The following DIAPH2 variants were observed in gnomAD, a reference collection of about 807,000 sequenced individuals.
DIAPH2 encodes protein diaphanous homolog 2.
A neutral mutation model predicts 92.7 loss-of-function variants in DIAPH2; 35 were observed. The ratio of observed to expected loss-of-function variants is 0.38; its 90% confidence interval spans 0.29 to 0.50. The LOEUF is 0.50. DIAPH2 is among the 20% of genes least tolerant of loss of function. The probability of loss-of-function intolerance (pLI) is 0.94; values close to 1 mark genes in which losing one functional copy is unlikely to be tolerated. For missense variants in DIAPH2, 701 were observed against 819.5 expected (o/e 0.86, Z 1.77); for synonymous variants, 301 against 280.4 (o/e 1.07, Z -0.73).
In DIAPH2 at chrX:96,884,828, G is replaced by A; in HGVS notation, c.587+3110G>A. ...CACATGATGCTGGATAAAGCCCGTC[G>A]TGATACCACTGTAGAAAGTGTGCCT... On this transcript the variant is annotated intron_variant, in intron 5 of 26. Transcript: ENST00000324765. 2.5e-6 allele frequency: 3 copies of A among 1,211,375 alleles called. No homozygotes were observed. The highest frequency in any genetic ancestry group is 3.4e-6 in the Non-Finnish European group (3 of 895,387).
chrX:96,874,414 C>T (rs1206942820), intron 4 of DIAPH2, among the ~76,000 whole-genome samples: 1 of 111,897 alleles, frequency 8.9e-6, no homozygotes, highest in African/African-American at 3.2e-5. Context: ...CTTGCTATTA[C>T]TCACCCATAT....
At chrX:97,197,216 C>G (rs1187164902) in intron 22 of DIAPH2, among the ~76,000 whole-genome samples, 1 of 112,091 alleles carries the variant, frequency 8.9e-6, no homozygotes, top group African/African-American at 3.2e-5. Context: ...TCTCTATTCC[C>G]TCTCATGTGC....
At chrX:96,850,294 G>A (rs746229455) in intron 4 of DIAPH2, among the ~76,000 whole-genome samples, 13 of 112,115 alleles carry the variant, frequency 1.2e-4, no homozygotes, top group Admixed American at 4.7e-4. Context: ...GCTAGATGAT[G>A]ATGATAATAA....
At chrX:97,516,095 T>C (rs1295121924) in intron 26 of DIAPH2, among the ~76,000 whole-genome samples, 1 of 109,640 alleles carries the variant, frequency 9.1e-6, no homozygotes, top group Non-Finnish European at 1.9e-5. Flanking sequence ...CTACTAAAAA[T>C]ACAAAAATTA....
chrX:97,545,168 A>G (rs1002204225), intron 26 of DIAPH2, among the ~76,000 whole-genome samples: 1 of 111,304 alleles, frequency 9.0e-6, no homozygotes, highest in Non-Finnish European at 1.9e-5. Context: ...CTTTCACCCT[A>G]GCCACTCTTC....
chrX:97,465,038 G>C (rs189902252), intron 26 of DIAPH2, among the ~76,000 whole-genome samples: 1 of 110,601 alleles, frequency 9.0e-6, no homozygotes, highest in African/African-American at 3.3e-5. Context: ...GTAGAGACAG[G>C]GTTTCTCCAT....
At chrX:96,724,168 C>T (rs1002627476) in intron 1 of DIAPH2, among the ~76,000 whole-genome samples, 24 of 110,525 alleles carry the variant, frequency 2.2e-4, no homozygotes, top group Middle Eastern at 4.6e-3. Flanking sequence ...TCAAGTGATC[C>T]GCCCGCCTCC....
intron 4 of DIAPH2, among the ~76,000 whole-genome samples, chrX:96,836,718 T>TATATATATATATATA (rs58380012): frequency 3.3e-4 from 5 of 15,344 alleles, no homozygotes; most frequent in African/African-American, 1.2e-3. Flanking sequence ...TATATATATA[T>TATATATATATATATA]TTTTTTTTTT....
intron 4 of DIAPH2, among the ~76,000 whole-genome samples, chrX:96,803,139 C>T (rs1008152882): frequency 9.0e-6 from 1 of 110,963 alleles, no homozygotes; most frequent in Non-Finnish European, 1.9e-5. Flanking sequence ...GCAGCACCCT[C>T]ACAGACACAC....
At chrX:97,323,773 C>T (rs1387344431) in intron 23 of DIAPH2, among the ~76,000 whole-genome samples, 1 of 102,067 alleles carries the variant, frequency 9.8e-6, no homozygotes, top group African/African-American at 3.6e-5. Flanking sequence ...AGTGGTGGCG[C>T]ATGCCTGTAA....
chrX:96,951,926 T>C (rs1348021183), intron 15 of DIAPH2, among the ~76,000 whole-genome samples: 1 of 111,614 alleles, frequency 9.0e-6, no homozygotes, highest in Non-Finnish European at 1.9e-5. Flanking sequence ...AGGTGAAAAA[T>C]TGACTGATGT....
chrX:96,791,527 C>CT (rs1407378446), intron 4 of DIAPH2, among the ~76,000 whole-genome samples: 1 of 73,349 alleles, frequency 1.4e-5, no homozygotes, highest in African/African-American at 8.1e-5. Context: ...GACAGTGAGA[C>CT]TCCTTTTTTT....
At chrX:96,733,307 G>T (rs781687943) in intron 1 of DIAPH2, among the ~76,000 whole-genome samples, 25 of 111,807 alleles carry the variant, frequency 2.2e-4, no homozygotes, top group Non-Finnish European at 3.4e-4. Flanking sequence ...AAATAGGATG[G>T]CCAGGGTAGG....
chrX:97,195,881 G>A (rs1279703872), intron 22 of DIAPH2, among the ~76,000 whole-genome samples: 1 of 109,315 alleles, frequency 9.1e-6, no homozygotes, highest in African/African-American at 3.3e-5. Flanking sequence ...TGTTCATAGA[G>A]CAGAAAAGCT....
In DIAPH2 at chrX:97,601,872, A is replaced by C. The variant is rs995891000; in HGVS notation, c.*2555A>C. On this transcript the variant is annotated 3_prime_UTR_variant, in exon 27 of 27. Coordinates refer to ENST00000324765, the MANE Select transcript of DIAPH2 (RefSeq NM_006729.5). ...CTCCCTCCAGAGGCTCTAGAGGAGA[A>C]TCTTTCCTTGCCACGTCCACCTTTT... The C allele has an allele frequency of 8.9e-6, 1 of 112,194 alleles. No homozygotes were observed. The highest frequency in any genetic ancestry group is 9.4e-5 in the Admixed American group (1 of 10,612). 9.2% of individuals were successfully genotyped at this position (112,194 alleles called of 1,213,427 possible).
At chrX:97,500,055 A>G (rs1383400019) in intron 26 of DIAPH2, among the ~76,000 whole-genome samples, 15 of 112,298 alleles carry the variant, frequency 1.3e-4, no homozygotes. Context: ...TTTCCACTGA[A>G]CACTTATTTT....
intron 26 of DIAPH2, among the ~76,000 whole-genome samples, chrX:97,450,355 T>C (rs983598646): frequency 3.6e-5 from 4 of 112,102 alleles, no homozygotes; most frequent in African/African-American, 1.3e-4. Context: ...ATACAATCTT[T>C]AACCTACAAC....
At chrX:97,517,002 CATG>C (rs767613739) in intron 26 of DIAPH2, among the ~76,000 whole-genome samples, 5 of 112,401 alleles carry the variant, frequency 4.4e-5, no homozygotes, top group South Asian at 3.7e-4. Context: ...AGGTGTACAG[CATG>C]ATATTTTTAT....
intron 4 of DIAPH2, among the ~76,000 whole-genome samples, chrX:96,870,293 G>A (rs12847193): frequency 0.27 from 29,028 of 109,167 alleles, 2,866 homozygotes; most frequent in Admixed American, 0.36. Flanking sequence ...ACAGAGTCTC[G>A]CTCTGTCACC....
Sources: allele counts gnomAD v4.1 joint callset (sites outside exome capture counted in the v4.1 genomes callset), GRCh38; gene constraint gnomAD v4.1.1; transcripts MANE v1.5; gene names NCBI Gene and HGNC (gene_info 2026-07-23, HGNC 2026-07-21).